The following SOCS5 variants were observed in gnomAD, a reference collection of about 807,000 sequenced individuals.
SOCS5 encodes the protein suppressor of cytokine signaling 5, also known as CIS-6.
In SOCS5, 32 loss-of-function variants were observed where a neutral mutation model predicts 42.8. The ratio of observed to expected loss-of-function variants is 0.75; its 90% CI spans 0.56 to 1.01. The LOEUF is 1.01. Among genes scored for constraint, SOCS5 ranks in the 50% least tolerant of loss-of-function variants. The pLI is 0.00. For missense variants in SOCS5, 627 were observed against 653.0 expected (o/e 0.96, Z 0.43); for synonymous variants, 283 against 229.6 (o/e 1.23, Z -2.10).
intron 1 of SOCS5, among the ~76,000 whole-genome samples, chr2:46,730,360 G>A (rs1283994027): frequency 6.6e-6 from 1 of 152,128 alleles, no homozygotes; most frequent in Non-Finnish European, 1.5e-5. Flanking sequence ...CGGCACTTTG[G>A]GAGGCCGAGG....
chr2:46,725,799 G>T (rs1672978489), intron 1 of SOCS5, among the ~76,000 whole-genome samples: 1 of 151,976 alleles, frequency 6.6e-6, no homozygotes, highest in Non-Finnish European at 1.5e-5. Context: ...CTTCAGAGTG[G>T]ATCTGCTGGT....
intron 1 of SOCS5, among the ~76,000 whole-genome samples, chr2:46,728,048 A>G (rs945728331): frequency 3.9e-5 from 6 of 152,264 alleles, no homozygotes; most frequent in African/African-American, 9.6e-5. Context: ...TGGGCGCCTA[A>G]CTGTTAACTG....
rs76658403 is a variant in SOCS5, at chr2:46,730,974, C to G, written c.-12-27545C>G. On this transcript the variant is annotated intron_variant, in intron 1 of 1. Transcript: ENST00000394861. The stretch of plus-strand genomic sequence containing the variant: ...GGGGTTTGGAGCACAGCAGGTGTTA[C>G]TAATTCTCCATTGTAGAAGTAGGCT... Among the ~76,000 whole-genome samples the G allele has an allele frequency of 2.7e-4, 41 of 152,286 alleles. 1 individual carries two copies. In the East Asian group the frequency reaches 7.7e-3, roughly 29 times the overall value.
At chr2:46,720,558 T>TA (rs1672855686) in intron 1 of SOCS5, among the ~76,000 whole-genome samples, 1 of 152,190 alleles carries the variant, frequency 6.6e-6, no homozygotes, top group Admixed American at 6.5e-5. Context: ...AAACCAGAAG[T>TA]AAAATCCAGG....
At chr2:46,709,177 A>T (rs1489524365) in intron 1 of SOCS5, among the ~76,000 whole-genome samples, 2 of 151,966 alleles carry the variant, frequency 1.3e-5, no homozygotes, top group Non-Finnish European at 2.9e-5. Flanking sequence ...CACCTTCTTT[A>T]CTATCTATTC....
chr2:46,714,292 G>C (rs375991661), intron 1 of SOCS5, among the ~76,000 whole-genome samples: 2 of 152,066 alleles, frequency 1.3e-5, no homozygotes, highest in African/African-American at 4.8e-5. Context: ...GTTCCAATAA[G>C]TTTTGTTTCC....
chr2:46,726,131 C>G (rs1047138863), intron 1 of SOCS5, among the ~76,000 whole-genome samples: 1 of 152,070 alleles, frequency 6.6e-6, no homozygotes, highest in African/African-American at 2.4e-5. Flanking sequence ...GAGTCTCGCT[C>G]TGTCGCCCAG....
At chr2:46,715,198 G>T (rs1326719239) in intron 1 of SOCS5, among the ~76,000 whole-genome samples, 2 of 151,720 alleles carry the variant, frequency 1.3e-5, no homozygotes, top group Admixed American at 6.6e-5. Flanking sequence ...GTAGGACACA[G>T]TATCTATAAA....
At chr2:46,748,786 T>C (rs753201615) in intron 1 of SOCS5, among the ~76,000 whole-genome samples, 7 of 152,204 alleles carry the variant, frequency 4.6e-5, no homozygotes, top group Non-Finnish European at 7.3e-5. Context: ...TGATACTTGA[T>C]CTAAACTGCT....
intron 1 of SOCS5, among the ~76,000 whole-genome samples, chr2:46,712,336 C>CTTTTTTT (rs70940636): frequency 1.7e-4 from 11 of 64,952 alleles, no homozygotes; most frequent in Admixed American, 7.4e-4. Flanking sequence ...GGATGTTTAG[C>CTTTTTTT]TTTTTTTTTT....
At chr2:46,735,931 T>C (rs1047093276) in intron 1 of SOCS5, among the ~76,000 whole-genome samples, 3 of 152,204 alleles carry the variant, frequency 2.0e-5, no homozygotes, top group Non-Finnish European at 2.9e-5. Flanking sequence ...CTCTGTGTTA[T>C]ACTTTATTAT....
chr2:46,729,672 T>C (rs1370357856), intron 1 of SOCS5, among the ~76,000 whole-genome samples: 1 of 152,180 alleles, frequency 6.6e-6, no homozygotes, highest in Non-Finnish European at 1.5e-5. Flanking sequence ...GAAGTTGCCG[T>C]GGGTGAGTGA....
At chr2:46,703,939 A>C (rs553101731) in intron 1 of SOCS5, among the ~76,000 whole-genome samples, 6 of 152,176 alleles carry the variant, frequency 3.9e-5, no homozygotes, top group Non-Finnish European at 8.8e-5. Context: ...ATATTGGATA[A>C]ATTTGCATCT....
Position 46,759,638 on chromosome 2 carries a change from G to C in SOCS5, c.1108G>C (p.Val370Leu). ...ACAGATTGATTACATACACTGCCTC[G>C]TGCCTGATTTGCTTCAAATTACAGG... ...HTQIDYIHCL[V>L]PDLLQITGNP... Residue 370 changes from valine to leucine, a missense_variant, in exon 2 of 2, where the codon GTG (valine) becomes CTG (leucine). Val to Leu is a conservative substitution (Grantham distance 32, BLOSUM62 1). Around this residue, in one of 3 missense-constraint regions of SOCS5, gnomAD observed 340 missense variants for 367.6 expected, o/e 0.92. Coordinates refer to ENST00000394861, the MANE Select transcript of SOCS5 (RefSeq NM_144949.3). 1 of 1,614,004 alleles carries C rather than the reference G, an allele frequency of 6.2e-7. No homozygotes were observed. Among genetic ancestry groups the C allele is most frequent in the South Asian group, 1.1e-5 (1 of 91,074 alleles).
Position 46,752,289 on chromosome 2 carries a change from C to T in SOCS5, c.-12-6230C>T, listed in dbSNP as rs142532011. On this transcript the variant is annotated intron_variant, in intron 1 of 1. Coordinates refer to ENST00000394861, the MANE Select transcript of SOCS5 (RefSeq NM_144949.3). ...AACTGCGCACAGGGGATCTAGGTTGCGTGTTCCTTATGAGACTCTTAACTA... is the reference window on the plus strand; with the variant it reads ...AACTGCGCACAGGGGATCTAGGTTGTGTGTTCCTTATGAGACTCTTAACTA... 1.2e-3 allele frequency among the ~76,000 whole-genome samples: 181 copies of T among 151,840 alleles called. 1 individual carries two copies. Among genetic ancestry groups the T allele is most frequent in the African/African-American group, 3.6e-3 (150 of 41,388 alleles).
rs886678214 is a variant in SOCS5 at position 46,718,109 on chromosome 2, G to A, written c.-13+18660G>A. Among the ~76,000 whole-genome samples, 14 of 152,244 alleles carry A rather than the reference G, an allele frequency of 9.2e-5. 1 individual carries two copies. In the South Asian group the frequency reaches 2.5e-3, roughly 27 times the overall value. On this transcript the variant is annotated intron_variant, in intron 1 of 1. Transcript: ENST00000394861. ...ATTCTTGTGTTTTGTGTGTGTGTGT[G>A]TGTGTGTGTTTCCCCTGTATGGGGT...
At chr2:46,717,252 A>AG (rs1253792014) in intron 1 of SOCS5, among the ~76,000 whole-genome samples, 1 of 152,076 alleles carries the variant, frequency 6.6e-6, no homozygotes, top group African/African-American at 2.4e-5. Context: ...TACTGACTCT[A>AG]TTTGGCTTCC....
At chr2:46,742,986 A>C (rs183853742) in intron 1 of SOCS5, among the ~76,000 whole-genome samples, 88 of 152,120 alleles carry the variant, frequency 5.8e-4, no homozygotes, top group African/African-American at 1.9e-3. Flanking sequence ...TTTTAATGGA[A>C]GGTTTATGTT....
rs1222240389 is a variant in SOCS5, at chr2:46,761,156, C to T, written c.*1015C>T. On this transcript the variant is annotated 3_prime_UTR_variant, in exon 2 of 2. Coordinates refer to ENST00000394861, the MANE Select transcript of SOCS5 (RefSeq NM_144949.3). ...TTATAGAATTTCAGTGCAGTTCATT[C>T]TTAATGGAAAATCTGAAACCTAAAT... is the stretch of plus-strand genomic sequence containing the variant. 6.0e-6 allele frequency: 1 copy of T among 167,048 alleles called. No homozygotes were observed. Among genetic ancestry groups the T allele is most frequent in the Non-Finnish European group, 1.5e-5 (1 of 68,120 alleles). The allele number at this position is 167,048 out of a possible 1,614,324, so 10.3% of individuals were successfully genotyped here.
Sources: gnomAD v4.1 joint callset for allele counts (sites outside exome capture counted in the v4.1 genomes callset) on GRCh38, gnomAD v4.1.1 for gene constraint, gnomAD v4.1.1 regional missense constraint, MANE v1.5 for transcripts, NCBI Gene and HGNC (gene_info 2026-07-23, HGNC 2026-07-21) for gene names.